Variants in PRPF8 observed in about 807,000 individuals in gnomAD.
PRPF8 encodes the protein pre-mRNA-processing-splicing factor 8.
Under a neutral mutation model 285.9 loss-of-function variants are expected in PRPF8, and 64 were observed. The observed-to-expected ratio is 0.22, with a 90% confidence interval of 0.18 to 0.28. The LOEUF (loss-of-function observed/expected upper bound fraction) is 0.28. Among genes scored for constraint, PRPF8 ranks in the 10% least tolerant of loss-of-function variants. The pLI is 1.00. For synonymous variants in PRPF8, 1,325 were observed against 1,118.2 expected, an observed-to-expected ratio of 1.18 and a Z score of -3.69; for missense variants, 1,426 against 3,026.7, an observed-to-expected ratio of 0.47 and a Z score of 12.41.
chr17:1,677,006 C>T lies in PRPF8; in HGVS notation c.2151G>A (p.Trp717Ter). ...RTILQHLSEAWRCWKANIPWK... is the reference protein window; with the variant it reads ...RTILQHLSEA ...AGGGAATGTTGGCTTTCCAGCAGCG[C>T]CAGGCTTCACTGAGGTGCTGCAGGA... The change falls in exon 15 of 43, where the codon TGG becomes TGA. Residue 717 changes from tryptophan (W) to a stop codon, truncating the protein, a stop_gained. Coordinates refer to ENST00000304992, the MANE Select transcript of PRPF8 (RefSeq NM_006445.4). LOFTEE classifies it high-confidence loss of function. 1 of 1,614,070 alleles carries T rather than the reference C, an allele frequency of 6.2e-7. No homozygotes were observed. Among genetic ancestry groups the T allele is most frequent in the Non-Finnish European group, 8.5e-7 (1 of 1,180,030 alleles).
rs181218652 is a variant in PRPF8, at chr17:1,683,559, G to C, written c.243C>G (p.Phe81Leu). The change falls in exon 3 of 43, where the codon TTC (phenylalanine) becomes TTG (leucine). Residue 81 changes from phenylalanine (F) to leucine (L), a missense_variant. Physicochemically the swap from Phe to Leu is conservative, Grantham distance 22 (BLOSUM62 0). Transcript: ENST00000304992. ...CCAAGTAAACCCTTTTGTCATGGCG[G>C]AACTTCCTGTTGGTCATGTCTCCAT... ...RDHGDMTNRK[F>L]RHDKRVYLGA... is the part of the protein sequence containing the mutation. 6.2e-7 allele frequency: 1 copy of C among 1,614,154 alleles called. No individual in the cohort carries two copies. Among genetic ancestry groups the C allele is most frequent in the East Asian group, 2.2e-5 (1 of 44,882 alleles).
rs2151126027 is a variant in PRPF8 at position 1,673,596 on chromosome 17, A to G, written c.3447-29T>C. The G allele has an allele frequency of 6.2e-7, 1 of 1,613,520 alleles. No individual in the cohort carries two copies. Among genetic ancestry groups the G allele is most frequent in the East Asian group, 2.2e-5 (1 of 44,878 alleles). ...CCCACAGAGAACACATGGTCACAGC[A>G]GTTTCTTGGAAGGAACTTCCCTTCA... On this transcript the variant is annotated intron_variant, in intron 22 of 42. Coordinates refer to ENST00000304992, the MANE Select transcript of PRPF8 (RefSeq NM_006445.4). This position sits in a 1 kb window ranked among gnomAD's most constrained non-coding sequence, Gnocchi z 5.5.
intron 24 of PRPF8, among the ~76,000 whole-genome samples, chr17:1,668,508 G>A (rs919540501): frequency 7.9e-5 from 12 of 151,486 alleles, no homozygotes; most frequent in African/African-American, 2.4e-4. Flanking sequence ...GACCACAGGC[G>A]CCCGCCACGA....
rs747870802 is a variant in PRPF8, at chr17:1,679,389, G to A, written c.1311C>T (p.Ala437=). 1.6e-5 allele frequency: 26 copies of A among 1,613,100 alleles called. No individual in the cohort carries two copies. The highest frequency in any genetic ancestry group is 9.4e-5 in the African/African-American group (7 of 74,840). Residue 437 remains alanine (A), a synonymous_variant, in exon 10 of 43, where the codon GCC becomes GCT. Coordinates refer to ENST00000304992, the MANE Select transcript of PRPF8 (RefSeq NM_006445.4). This position sits in a 1 kb window ranked among gnomAD's most constrained non-coding sequence, Gnocchi z 4.7. ...VKNWYREHCP[A]GQPVKVRVSY... ...AGACCCTCACTTTCACAGGCTGCCCGGCAGGACAATGCTCCCGATACCTGG... is the reference window on the plus strand; with the variant it reads ...AGACCCTCACTTTCACAGGCTGCCCAGCAGGACAATGCTCCCGATACCTGG...
In PRPF8 at chr17:1,679,228, T is replaced by C. The variant is rs771236718; in HGVS notation, c.1410-22A>G. ...ATACCTGAGGTGGGAACATGGAGAGTAAGAGTCAGCCTACTGATATCTCTG... is the reference window on the plus strand; with the variant it reads ...ATACCTGAGGTGGGAACATGGAGAGCAAGAGTCAGCCTACTGATATCTCTG... On this transcript the variant is annotated intron_variant, in intron 10 of 42. Transcript: ENST00000304992. The surrounding 1 kb of genome is among the most constrained non-coding windows in gnomAD (Gnocchi z 4.7). The C allele has an allele frequency of 3.1e-6, 5 of 1,613,988 alleles. No homozygotes were observed.
Position 1,675,448 on chromosome 17 carries a change from A to G in PRPF8, c.2873-109T>C, listed in dbSNP as rs1440863033. On this transcript the variant is annotated intron_variant, in intron 19 of 42. Coordinates refer to ENST00000304992, the MANE Select transcript of PRPF8 (RefSeq NM_006445.4). The surrounding 1 kb of genome is among the most constrained non-coding windows in gnomAD (Gnocchi z 6.0). ...AACCAATCCCACTATGATTCCACGT[A>G]TTCATTTGGATTGCTTTGACTATGG... 6.9e-7 allele frequency: 1 copy of G among 1,449,176 alleles called. No homozygotes were observed. Among genetic ancestry groups the G allele is most frequent in the Non-Finnish European group, 9.7e-7 (1 of 1,034,674 alleles). The allele number at this position is 1,449,176 out of a possible 1,614,324, so 89.8% of individuals were successfully genotyped here. A position where few individuals can be genotyped will look rare whatever the true frequency, so the allele number is the denominator to read the frequency against.
At chr17:1,677,941 C>A (rs1167921904) in intron 13 of PRPF8, among the ~76,000 whole-genome samples, 1 of 152,106 alleles carries the variant, frequency 6.6e-6, no homozygotes, top group African/African-American at 2.4e-5. Flanking sequence ...GCAGTAAGGA[C>A]ACAGTCATAG....
chr17:1,659,007 A>T lies in PRPF8; in HGVS notation c.5139-244T>A. ...TATGGAGCTAATGGAAAATACACGG[A>T]TTATTTATTTATTTATTATTATTAT... On this transcript the variant is annotated intron_variant, in intron 32 of 42. Coordinates refer to ENST00000304992, the MANE Select transcript of PRPF8 (RefSeq NM_006445.4). The surrounding 1 kb of genome is among the most constrained non-coding windows in gnomAD (Gnocchi z 5.1). 1.7e-6 allele frequency: 1 copy of T among 594,496 alleles called. No homozygotes were observed. Among genetic ancestry groups the T allele is most frequent in the Non-Finnish European group, 3.0e-6 (1 of 337,792 alleles). The allele number at this position is 594,496 out of a possible 1,614,324, so 36.8% of individuals were successfully genotyped here.
intron 11 of PRPF8, 44 bp downstream of exon 11, chr17:1,678,973 C>T: frequency 1.9e-6 from 3 of 1,613,726 alleles, no homozygotes; most frequent in East Asian, 4.5e-5. Context: ...AAACAACTGT[C>T]CGTCCTTGAA....
chr17:1,663,711 A>C (rs1357666348), intron 24 of PRPF8, among the ~76,000 whole-genome samples: 6 of 93,796 alleles, frequency 6.4e-5, no homozygotes, highest in African/African-American at 3.4e-4. Flanking sequence ...ACTCCATCTC[A>C]AAAAAAAAAA....
chr17:1,674,658 T>C lies in PRPF8; in HGVS notation c.3083A>G (p.Tyr1028Cys), dbSNP rs1912516046. The change falls in exon 21 of 43, where the codon TAT (tyrosine) becomes TGT (cysteine). Residue 1028 changes from tyrosine to cysteine, a missense_variant. Transcript: ENST00000304992. ...AAACTGCAGGCCTCTGATGATCCCA[T>C]ATGAATTCGTATGGTTCATGTCCTA... Reference protein sequence around the residue: ...NYKDMNHTNSYGIIRGLQFAS... With the variant: ...NYKDMNHTNSCGIIRGLQFAS... The C allele has an allele frequency of 1.2e-6, 2 of 1,613,968 alleles. No individual in the cohort carries two copies. The highest frequency in any genetic ancestry group is 1.7e-6 in the Non-Finnish European group (2 of 1,179,944).
Position 1,650,778 on chromosome 17 carries a change from CTGAAGCAGGAGGCAGGGA to C in PRPF8, c.*6_*23del, listed in dbSNP as rs1314067185. The C allele has an allele frequency of 6.2e-7, 1 of 1,613,298 alleles. No homozygotes were observed. On this transcript the variant is annotated 3_prime_UTR_variant, in exon 43 of 43. Coordinates refer to ENST00000304992, the MANE Select transcript of PRPF8 (RefSeq NM_006445.4). The stretch of plus-strand genomic sequence containing the variant: ...GGGCTGAGGCTTCGGCCTCGGGAGG[CTGAAGCAGGAGGCAGGGA>C]AACGGTCAGGCATACAGGTCCTCCC...
intron 24 of PRPF8, among the ~76,000 whole-genome samples, chr17:1,664,181 C>A (rs1027572932): frequency 6.6e-6 from 1 of 152,102 alleles, no homozygotes; most frequent in Non-Finnish European, 1.5e-5. Flanking sequence ...CAGGCGTGTA[C>A]CACCACACCC....
Position 1,653,896 on chromosome 17 carries a change from T to A in PRPF8, c.6108A>T (p.Gln2036His). Residue 2036 changes from glutamine (Q) to histidine (H), a missense_variant, in exon 38 of 43, where the codon CAA becomes CAT. By Grantham distance (24) the Gln-to-His change is conservative. Coordinates refer to ENST00000304992, the MANE Select transcript of PRPF8 (RefSeq NM_006445.4). This position sits in a 1 kb window ranked among gnomAD's most constrained non-coding sequence, Gnocchi z 4.9. ...GAGTCTGTGTTGCCGTCAGCTGCGA[T>A]TGTTCCTTGGTCTGCTTCTCGATCT... ...IAEIEKQTKE[Q>H]SQLTATQTRT... The A allele has an allele frequency of 6.2e-7, 1 of 1,614,194 alleles. No homozygotes were observed. Among genetic ancestry groups the A allele is most frequent in the Non-Finnish European group, 8.5e-7 (1 of 1,180,032 alleles).
chr17:1,683,855 G>A (rs1913076865), intron 2 of PRPF8, among the ~76,000 whole-genome samples, 154 bp from the exon 3 acceptor site: 1 of 148,908 alleles, frequency 6.7e-6, no homozygotes, highest in Non-Finnish European at 1.5e-5. Context: ...ATTTTACTCT[G>A]TTTTTCCTTT....
rs1597243569 is a variant in PRPF8 at position 1,673,950 on chromosome 17, C to T, written c.3300-58G>A. On this transcript the variant is annotated intron_variant, in intron 21 of 42. Transcript: ENST00000304992. This position sits in a 1 kb window ranked among gnomAD's most constrained non-coding sequence, Gnocchi z 5.5. The stretch of plus-strand genomic sequence containing the variant: ...AGTACACTGAGATTTGGGACACCCA[C>T]AAGTCCTCCAGCTCAATAGACGGAG... 6.3e-7 allele frequency: 1 copy of T among 1,597,982 alleles called. No individual in the cohort carries two copies. Among genetic ancestry groups the T allele is most frequent in the Non-Finnish European group, 8.5e-7 (1 of 1,174,800 alleles).
chr17:1,672,278 T>G (rs564127610), intron 24 of PRPF8, among the ~76,000 whole-genome samples: 4 of 152,120 alleles, frequency 2.6e-5, no homozygotes, highest in Non-Finnish European at 5.9e-5. Context: ...GGTAACTTTT[T>G]TTTGTTTGTT....
chr17:1,679,817 C>G lies in PRPF8; in HGVS notation c.1099-18G>C, dbSNP rs1042648807. On this transcript the variant is annotated intron_variant, in intron 8 of 42. Transcript: ENST00000304992. The surrounding 1 kb of genome is among the most constrained non-coding windows in gnomAD (Gnocchi z 4.7). ...TCCTGGCTCTGAAAAAGGAATCCCT[C>G]TAAGGGTTTAGCTCCTGCTGAACTA... 6.2e-7 allele frequency: 1 copy of G among 1,614,128 alleles called. No homozygotes were observed.
In PRPF8 at chr17:1,681,023, T is replaced by C. The variant is rs2151131263; in HGVS notation, c.898A>G (p.Asn300Asp). 3 of 1,613,300 alleles carry C rather than the reference T, an allele frequency of 1.9e-6. No homozygotes were observed. The highest frequency in any genetic ancestry group is 1.7e-6 in the Non-Finnish European group (2 of 1,179,346). Reference sequence around the variant, plus strand: ...ATAGGCTGCCGGATGATAATCTTGTTAATATCATTGAATTCATTCCAGTCT... The same window carrying C: ...ATAGGCTGCCGGATGATAATCTTGTCAATATCATTGAATTCATTCCAGTCT... ...DEDWNEFNDI[N>D]KIIIRQPIRT... The change falls in exon 7 of 43, where the codon AAC (asparagine) becomes GAC (aspartate). Residue 300 changes from asparagine (N) to aspartate (D), a missense_variant. Transcript: ENST00000304992.
Sources: gnomAD v4.1 joint callset for allele counts (sites outside exome capture counted in the v4.1 genomes callset) on GRCh38, gnomAD v4.1.1 for gene constraint, Gnocchi (gnomAD v3.1) non-coding constraint, MANE v1.5 for transcripts, NCBI Gene and HGNC (gene_info 2026-07-23, HGNC 2026-07-21) for gene names.